The following TUT4 variants were observed in gnomAD, a reference collection of about 807,000 sequenced individuals.
The protein encoded by TUT4 is terminal uridylyltransferase 4.
In TUT4, 36 loss-of-function variants were observed where a neutral mutation model predicts 192.2. That is an observed-to-expected ratio of 0.19 (90% CI 0.14 to 0.25). TUT4 has a LOEUF of 0.25. TUT4 is among the 10% of genes least tolerant of loss of function. The probability of loss-of-function intolerance (pLI) is 1.00; values close to 1 mark genes in which losing one functional copy is unlikely to be tolerated. For missense variants in TUT4, 1,493 were observed against 1,957.2 expected (o/e 0.76, Z 4.47); for synonymous variants, 618 against 666.0 (o/e 0.93, Z 1.11).
chr1:52,544,259 G>A (rs994805032), intron 1 of TUT4, among the ~76,000 whole-genome samples: 2 of 151,010 alleles, frequency 1.3e-5, no homozygotes, highest in Non-Finnish European at 2.9e-5. Context: ...GTGCACTTCA[G>A]CCTGGGCGAC....
At chr1:52,524,860 G>A (rs1185717132) in intron 2 of TUT4, among the ~76,000 whole-genome samples, 1 of 152,128 alleles carries the variant, frequency 6.6e-6, no homozygotes, top group Non-Finnish European at 1.5e-5. Flanking sequence ...TCAGGATAAA[G>A]TCCAAACTTT....
At chr1:52,442,821 A>G (rs1656074746) in intron 24 of TUT4, among the ~76,000 whole-genome samples, 1 of 152,244 alleles carries the variant, frequency 6.6e-6, no homozygotes, top group Non-Finnish European at 1.5e-5. Context: ...AATGATTAGC[A>G]GACTCATGGG....
At chr1:52,460,666 T>G (rs897411433) in intron 19 of TUT4, among the ~76,000 whole-genome samples, 3 of 152,074 alleles carry the variant, frequency 2.0e-5, no homozygotes, top group African/African-American at 7.2e-5. Context: ...GAAACAGAGG[T>G]TCCTGTTCTC....
At chr1:52,495,802 C>T (rs1672308814) in intron 5 of TUT4, among the ~76,000 whole-genome samples, 1 of 152,080 alleles carries the variant, frequency 6.6e-6, no homozygotes. Flanking sequence ...ATATGTTTAG[C>T]ATTCAATATA....
At chr1:52,531,513 T>A (rs1316783305) in intron 1 of TUT4, among the ~76,000 whole-genome samples, 2 of 152,216 alleles carry the variant, frequency 1.3e-5, no homozygotes, top group Non-Finnish European at 2.9e-5. Context: ...AGAAATCATT[T>A]CTGATTTTGC....
chr1:52,543,130 C>A (rs1203427576), intron 1 of TUT4, among the ~76,000 whole-genome samples: 1 of 152,072 alleles, frequency 6.6e-6, no homozygotes, highest in African/African-American at 2.4e-5. Context: ...CAAAACGCAT[C>A]TCAATTGGAA....
intron 1 of TUT4, among the ~76,000 whole-genome samples, chr1:52,533,388 C>T (rs1684011647): frequency 6.6e-6 from 1 of 152,214 alleles, no homozygotes; most frequent in Non-Finnish European, 1.5e-5. Context: ...GCTTCTTCTA[C>T]ATACCTATCA....
At chr1:52,451,014 C>T (rs1659226610) in intron 20 of TUT4, among the ~76,000 whole-genome samples, 1 of 152,086 alleles carries the variant, frequency 6.6e-6, no homozygotes, top group Non-Finnish European at 1.5e-5. Context: ...GCCTGTAATC[C>T]CAGCACTCTG....
In TUT4 at chr1:52,525,959, C is replaced by T; in HGVS notation, c.322G>A (p.Ala108Thr). The T allele has an allele frequency of 1.2e-6, 2 of 1,614,130 alleles. No homozygotes were observed. The highest frequency in any genetic ancestry group is 1.7e-6 in the Non-Finnish European group (2 of 1,180,018). Reference sequence around the variant, plus strand: ...GCCTGTGAAATGGTTGCCTTTTCGGCTTTCACCGGTGAATTAGGAAATTTT... The same window carrying T: ...GCCTGTGAAATGGTTGCCTTTTCGGTTTTCACCGGTGAATTAGGAAATTTT... ...AKKFPNSPVK[A>T]EKATISQAKS... The change falls in exon 2 of 30, where the codon GCC becomes ACC. Residue 108 changes from alanine to threonine, a missense_variant. By Grantham distance (58) the Ala-to-Thr change is moderately conservative. This residue lies in a region of TUT4 where 260 missense variants were observed against 247.8 expected (regional missense o/e 1.05). Transcript: ENST00000257177.
chr1:52,455,607 TAAAAAAA>T (rs34934935), intron 20 of TUT4, among the ~76,000 whole-genome samples: 2 of 40,560 alleles, frequency 4.9e-5, no homozygotes. Context: ...ACGCTACCTT[TAAAAAAA>T]AAAAAAAAAA....
At chr1:52,543,366 A>G (rs561972268) in intron 1 of TUT4, among the ~76,000 whole-genome samples, 2 of 152,332 alleles carry the variant, frequency 1.3e-5, no homozygotes, top group East Asian at 3.9e-4. Context: ...GTACTAAGGA[A>G]TTACATAACC....
intron 2 of TUT4, among the ~76,000 whole-genome samples, chr1:52,520,632 T>C (rs2149408039): frequency 6.6e-6 from 1 of 152,328 alleles, no homozygotes; most frequent in South Asian, 2.1e-4. Flanking sequence ...AATATTCACC[T>C]GGCTGGTTCA....
At chr1:52,479,869 C>T (rs1261518795) in intron 11 of TUT4, among the ~76,000 whole-genome samples, 1 of 151,938 alleles carries the variant, frequency 6.6e-6, no homozygotes, top group Non-Finnish European at 1.5e-5. Context: ...TGGCCGGGCA[C>T]CTGTAGTCCC....
At chr1:52,495,947 AGTG>A (rs1672343206) in intron 5 of TUT4, among the ~76,000 whole-genome samples, 1 of 152,156 alleles carries the variant, frequency 6.6e-6, no homozygotes, top group Non-Finnish European at 1.5e-5. Flanking sequence ...TAAAATACGA[AGTG>A]AAGCCAAGTC....
intron 20 of TUT4, among the ~76,000 whole-genome samples, chr1:52,452,161 GA>G (rs1290879593): frequency 6.6e-6 from 1 of 152,016 alleles, no homozygotes; most frequent in Non-Finnish European, 1.5e-5. Flanking sequence ...TGTAAGTAAA[GA>G]AAACTACAGA....
chr1:52,549,327 A>G (rs1688838681), intron 1 of TUT4, among the ~76,000 whole-genome samples: 1 of 152,106 alleles, frequency 6.6e-6, no homozygotes, highest in Non-Finnish European at 1.5e-5. Context: ...CATTCTATCC[A>G]TATCAATTCC....
At chr1:52,436,346 C>T (rs769992943) in intron 26 of TUT4, among the ~76,000 whole-genome samples, 47 of 152,142 alleles carry the variant, frequency 3.1e-4, no homozygotes, top group Non-Finnish European at 5.6e-4. Context: ...ATTAGCTGGG[C>T]GTGGTGGCAT....
At chr1:52,470,406 T>A (rs1239789763) in intron 14 of TUT4, among the ~76,000 whole-genome samples, 1 of 151,712 alleles carries the variant, frequency 6.6e-6, no homozygotes, top group Non-Finnish European at 1.5e-5. Flanking sequence ...AAAAAACACG[T>A]GCCATGACCC....
At chr1:52,425,966 T>C (rs190976819) in intron 28 of TUT4, among the ~76,000 whole-genome samples, 152 of 152,020 alleles carry the variant, frequency 1.0e-3, no homozygotes, top group African/African-American at 3.5e-3. Context: ...ATCTGCAACA[T>C]AGAGACAGGA....
Sources: gnomAD v4.1 joint callset for allele counts (sites outside exome capture counted in the v4.1 genomes callset) on GRCh38, gnomAD v4.1.1 for gene constraint, gnomAD v4.1.1 regional missense constraint, MANE v1.5 for transcripts, NCBI Gene and HGNC (gene_info 2026-07-23, HGNC 2026-07-21) for gene names.